Variants in GPR176 observed in about 807,000 individuals in gnomAD.
The protein encoded by GPR176 is G protein-coupled receptor 176.
GPR176 carries 26 observed loss-of-function variants against 35.4 expected under a neutral mutation model. That is an observed-to-expected ratio of 0.74 (90% CI 0.54 to 1.02). GPR176 has a LOEUF of 1.02. Ranked by LOEUF, GPR176 falls within the 50% of genes least tolerant of loss-of-function variation. The pLI, the probability that GPR176 is intolerant of heterozygous loss-of-function variation, is 0.00. For missense variants in GPR176, 597 were observed against 665.3 expected (o/e 0.90, Z 1.13); for synonymous variants, 278 against 271.3 (o/e 1.02, Z -0.24).
In GPR176 at chr15:39,903,300, G is replaced by A. The variant is rs1005433108; in HGVS notation, c.172+16555C>T. On this transcript the variant is annotated intron_variant, in intron 1 of 2. Transcript: ENST00000561100. ...TTGGAACTTTGTTTGGAGAAGGCAC[G>A]ATGACCTGAAATTATCTCTGTCCAT... is the stretch of plus-strand genomic sequence containing the variant. 2.0e-5 allele frequency among the ~76,000 whole-genome samples: 3 copies of A among 152,160 alleles called. No individual in the cohort carries two copies. In the East Asian group the frequency reaches 5.8e-4, roughly 29 times the overall value.
At chr15:39,821,620 T>C (rs1310019159) in intron 1 of GPR176, among the ~76,000 whole-genome samples, 1 of 152,198 alleles carries the variant, frequency 6.6e-6, no homozygotes, top group African/African-American at 2.4e-5. Context: ...AAATTATTTT[T>C]CCAGTAAAGA....
intron 1 of GPR176, among the ~76,000 whole-genome samples, chr15:39,828,547 A>G (rs1900839405): frequency 6.6e-6 from 1 of 152,210 alleles, no homozygotes; most frequent in Non-Finnish European, 1.5e-5. Context: ...CCAAGGGGTC[A>G]AAGAATCAGC....
At chr15:39,885,745 A>G (rs1436750004) in intron 1 of GPR176, among the ~76,000 whole-genome samples, 1 of 152,218 alleles carries the variant, frequency 6.6e-6, no homozygotes, top group Admixed American at 6.5e-5. Flanking sequence ...TGCTGATTCC[A>G]TTTGCTTATG....
intron 1 of GPR176, among the ~76,000 whole-genome samples, chr15:39,810,068 C>T (rs1192198273): frequency 1.3e-5 from 2 of 151,564 alleles, no homozygotes; most frequent in Non-Finnish European, 2.9e-5. Flanking sequence ...CGGCGTGAAC[C>T]CAGGAGGCGG....
intron 1 of GPR176, among the ~76,000 whole-genome samples, chr15:39,905,061 G>A: frequency 6.6e-6 from 1 of 152,118 alleles, no homozygotes; most frequent in East Asian, 1.9e-4. Context: ...CTGCAATCTT[G>A]GAGAGCCAAG....
chr15:39,814,381 A>G (rs867770150), intron 1 of GPR176, among the ~76,000 whole-genome samples: 22 of 152,202 alleles, frequency 1.4e-4, no homozygotes, highest in African/African-American at 4.8e-4. Context: ...GGAAGTAATC[A>G]TATCATCCCC....
intron 1 of GPR176, among the ~76,000 whole-genome samples, chr15:39,811,665 C>T (rs926157731): frequency 7.2e-5 from 11 of 152,022 alleles, no homozygotes; most frequent in Non-Finnish European, 1.5e-4. Flanking sequence ...ACCTGTAATC[C>T]CAGCACTTTG....
chr15:39,884,607 G>T (rs972113942), intron 1 of GPR176, among the ~76,000 whole-genome samples: 2 of 152,158 alleles, frequency 1.3e-5, no homozygotes, highest in African/African-American at 4.8e-5. Context: ...CTTCCCACAT[G>T]GTTTGTGTTC....
chr15:39,913,363 G>A (rs1388980339), intron 1 of GPR176, among the ~76,000 whole-genome samples: 1 of 151,978 alleles, frequency 6.6e-6, no homozygotes, highest in Non-Finnish European at 1.5e-5. Flanking sequence ...TGGGCAATGT[G>A]GCAAAACTCC....
At chr15:39,820,267 C>T (rs1188844973) in intron 1 of GPR176, among the ~76,000 whole-genome samples, 1 of 150,270 alleles carries the variant, frequency 6.7e-6, no homozygotes, top group Non-Finnish European at 1.5e-5. Flanking sequence ...AGATAGCTGG[C>T]CAAGACAGGG....
At chr15:39,897,410 G>A (rs953193149) in intron 1 of GPR176, among the ~76,000 whole-genome samples, 2 of 152,128 alleles carry the variant, frequency 1.3e-5, no homozygotes, top group Admixed American at 1.3e-4. Flanking sequence ...CACTTACTGT[G>A]TGCAAGAGAT....
At position 39,859,836 on chromosome 15, in the gene GPR176, G is replaced by A. The variant is rs201375594; in HGVS notation, c.173-52578C>T. 9.2e-5 allele frequency among the ~76,000 whole-genome samples: 14 copies of A among 152,252 alleles called. No homozygotes were observed. The East Asian group carries it at 2.7e-3, about 29-fold the overall frequency. ...AGGGAGAAAAGGGGAGTTGTTTAAT[G>A]GGTGTAGAGTTTCAGTTTTGCAAGA... On this transcript the variant is annotated intron_variant, in intron 1 of 2. Transcript: ENST00000561100.
At chr15:39,912,655 C>T (rs1016579978) in intron 1 of GPR176, among the ~76,000 whole-genome samples, 1 of 150,936 alleles carries the variant, frequency 6.6e-6, no homozygotes, top group Admixed American at 6.6e-5. Context: ...GAAAAAACAA[C>T]CTTTCACAAC....
intron 1 of GPR176, among the ~76,000 whole-genome samples, chr15:39,830,064 T>C (rs1343745636): frequency 6.6e-6 from 1 of 152,050 alleles, no homozygotes; most frequent in Non-Finnish European, 1.5e-5. Flanking sequence ...TCACCGTGTG[T>C]ATTCTGCATC....
intron 1 of GPR176, among the ~76,000 whole-genome samples, chr15:39,823,140 G>T (rs1900388180): frequency 6.6e-6 from 1 of 152,096 alleles, no homozygotes; most frequent in African/African-American, 2.4e-5. Flanking sequence ...CCCTTCTCAT[G>T]CTATCCTCTT....
intron 1 of GPR176, among the ~76,000 whole-genome samples, chr15:39,918,624 A>G (rs2140884083): frequency 6.6e-6 from 1 of 152,202 alleles, no homozygotes; most frequent in South Asian, 2.1e-4. Flanking sequence ...TTGCTTTGCT[A>G]ATGTGCATTT....
At chr15:39,847,403 A>G (rs2030509030) in intron 1 of GPR176, among the ~76,000 whole-genome samples, 1 of 152,136 alleles carries the variant, frequency 6.6e-6, no homozygotes, top group Non-Finnish European at 1.5e-5. Flanking sequence ...ATAATGTTAT[A>G]TACAGGTTGA....
intron 1 of GPR176, among the ~76,000 whole-genome samples, chr15:39,810,589 CCT>C (rs956957206): frequency 5.9e-5 from 9 of 152,208 alleles, no homozygotes; most frequent in Admixed American, 5.2e-4. Context: ...AGACACATTA[CCT>C]CTTTGAAAAC....
intron 1 of GPR176, 85 bp from the exon 2 acceptor site, chr15:39,807,343 A>G (rs1899262264): frequency 1.1e-6 from 1 of 930,362 alleles, no homozygotes; most frequent in African/African-American, 1.7e-5. Context: ...TAAAAAATGT[A>G]AAAAACACAT....
Sources: gnomAD v4.1 joint callset for allele counts (sites outside exome capture counted in the v4.1 genomes callset) on GRCh38, gnomAD v4.1.1 for gene constraint, MANE v1.5 for transcripts, NCBI Gene and HGNC (gene_info 2026-07-23, HGNC 2026-07-21) for gene names.